TRANK1: variants seen among roughly 807,000 people sequenced by gnomAD.
TRANK1 encodes tetratricopeptide repeat and ankyrin repeat containing 1.
In TRANK1, 198 loss-of-function variants were observed where a neutral mutation model predicts 266.0. The observed-to-expected ratio is 0.74, with a 90% CI of 0.66 to 0.84. TRANK1 has a LOEUF of 0.84. TRANK1 is among the 40% of genes least tolerant of loss of function. The pLI, the probability that TRANK1 is intolerant of heterozygous loss-of-function variation, is 0.00. For missense variants in TRANK1, 3,326 were observed against 3,634.6 expected, an observed-to-expected ratio of 0.92 and a Z score of 2.18; for synonymous variants, 1,396 against 1,384.1, an observed-to-expected ratio of 1.01 and a Z score of -0.19.
At chr3:36,880,825 G>A (rs2079520235) in intron 8 of TRANK1, 1 of 151,104 alleles carries the variant, frequency 6.6e-6, no homozygotes, top group Non-Finnish European at 1.5e-5. Context: ...GTGCCATGTT[G>A]GTGTGCTGCA....
At position 36,856,861 on chromosome 3, in the gene TRANK1, G is replaced by T. The variant is rs2079062678; in HGVS notation, c.2861C>A (p.Ser954Tyr). Reference sequence around the variant, plus strand: ...GTAGGCATTGCAGATGGCCTTGATGGAATCAGCCAGTTTGCAGTGATCTAA... The same window carrying T: ...GTAGGCATTGCAGATGGCCTTGATGTAATCAGCCAGTTTGCAGTGATCTAA... ...IVLDHCKLAD[S>Y]IKAICNAYNR... The change falls in exon 13 of 24, where the codon TCC becomes TAC. Residue 954 changes from serine (S) to tyrosine (Y), a missense_variant. Ser to Tyr is a moderately radical substitution (Grantham distance 144). Coordinates refer to ENST00000645898, the MANE Select transcript of TRANK1 (RefSeq NM_001329998.2). 1 of 1,614,014 alleles carries T rather than the reference G, an allele frequency of 6.2e-7. No individual in the cohort carries two copies.
At chr3:36,890,053 A>C in intron 7 of TRANK1, 93 bp from the exon 8 acceptor site, 1 of 1,472,702 alleles carries the variant, frequency 6.8e-7, no homozygotes, top group South Asian at 1.3e-5. Context: ...AAAAGAAAGA[A>C]AGAAAATCAG....
chr3:36,929,661 C>T (rs2080334707), intron 1 of TRANK1, among the ~76,000 whole-genome samples: 2 of 152,096 alleles, frequency 1.3e-5, no homozygotes, highest in South Asian at 2.1e-4. Flanking sequence ...ATGAATTCCC[C>T]CAAAGACATC....
chr3:36,894,387 A>C (rs1447228464), intron 5 of TRANK1, among the ~76,000 whole-genome samples: 1 of 152,212 alleles, frequency 6.6e-6, no homozygotes, highest in Non-Finnish European at 1.5e-5. Flanking sequence ...GAATTTCAAA[A>C]CTTTTTAAAA....
intron 22 of TRANK1, among the ~76,000 whole-genome samples, chr3:36,830,220 C>T (rs889870949): frequency 1.3e-5 from 2 of 151,728 alleles, no homozygotes; most frequent in Non-Finnish European, 2.9e-5. Context: ...GAGGCTGAGG[C>T]AGGTGAATCA....
rs200622405 is a variant in TRANK1 at position 36,847,279 on chromosome 3, C to G, written c.4955G>C (p.Arg1652Pro). ...PTSTDSREEN[R>P]PLVEVPLDKP... The stretch of plus-strand genomic sequence containing the variant: ...GTCCAGGGGTACTTCAACCAATGGC[C>G]GGTTTTCCTCTCTGGAGTCAGTTGA... Residue 1652 changes from arginine (R) to proline (P), a missense_variant, in exon 16 of 24, where the codon CGG becomes CCG. Arg to Pro is a moderately radical substitution (Grantham distance 103, BLOSUM62 -2). Coordinates refer to ENST00000645898, the MANE Select transcript of TRANK1 (RefSeq NM_001329998.2). 1.5e-5 allele frequency: 24 copies of G among 1,613,450 alleles called. No homozygotes were observed. The highest frequency in any genetic ancestry group is 6.7e-5 in the East Asian group (3 of 44,884).
rs191768065 is a variant in TRANK1 at position 36,908,662 on chromosome 3, C to T, written c.24-208G>A. 4 of 1,219,036 alleles carry T rather than the reference C, an allele frequency of 3.3e-6. No homozygotes were observed. The East Asian group carries it at 1.3e-4, about 39-fold the overall frequency. The allele number at this position is 1,219,036 out of a possible 1,614,324, so 75.5% of individuals were successfully genotyped here. A position where few individuals can be genotyped will look rare whatever the true frequency, so the allele number is the denominator to read the frequency against. ...TTCTTTGTCAGTTCTTTTCTGTTCT[C>T]AAGGGTGGCCAGACCAATTCCATTT... On this transcript the variant is annotated intron_variant, in intron 1 of 23. Coordinates refer to ENST00000645898, the MANE Select transcript of TRANK1 (RefSeq NM_001329998.2).
At chr3:36,894,853 G>A (rs2079764974) in intron 5 of TRANK1, among the ~76,000 whole-genome samples, 1 of 152,094 alleles carries the variant, frequency 6.6e-6, no homozygotes, top group Non-Finnish European at 1.5e-5. Flanking sequence ...TTCGTAGCTT[G>A]GCCAGCCCAT....
intron 9 of TRANK1, among the ~76,000 whole-genome samples, chr3:36,866,442 A>C (rs946987936): frequency 6.6e-6 from 1 of 152,192 alleles, no homozygotes; most frequent in African/African-American, 2.4e-5. Flanking sequence ...ATTAAGGAGG[A>C]AGACCAGTAG....
chr3:36,926,844 C>T (rs2125657080), intron 1 of TRANK1, among the ~76,000 whole-genome samples: 1 of 152,278 alleles, frequency 6.6e-6, no homozygotes, highest in Middle Eastern at 3.4e-3. Context: ...CTTAACCTCA[C>T]TAATATGTCT....
chr3:36,912,412 A>G (rs572038359), intron 1 of TRANK1, among the ~76,000 whole-genome samples: 3 of 152,312 alleles, frequency 2.0e-5, no homozygotes, highest in South Asian at 4.1e-4. Context: ...TCACTAGGGT[A>G]TCTTATATTT....
At chr3:36,924,283 CT>C (rs1170010238) in intron 1 of TRANK1, among the ~76,000 whole-genome samples, 11 of 152,184 alleles carry the variant, frequency 7.2e-5, no homozygotes, top group Non-Finnish European at 1.6e-4. Context: ...TGGAACACCC[CT>C]TTGGAAAGTG....
At chr3:36,858,935 A>T (rs1559434616) in intron 11 of TRANK1, 41 bp from the exon 12 acceptor site, 1 of 1,487,470 alleles carries the variant, frequency 6.7e-7, no homozygotes, top group Admixed American at 2.2e-5. Context: ...GAGCAGGCAC[A>T]GCCTGGCTCG....
chr3:36,926,109 CAAT>C (rs1263812218), intron 1 of TRANK1, among the ~76,000 whole-genome samples: 6 of 152,174 alleles, frequency 3.9e-5, no homozygotes, highest in Non-Finnish European at 1.5e-5. Context: ...ACCACAACAA[CAAT>C]GTGCTGAGGT....
Position 36,944,917 on chromosome 3 carries a change from G to C in TRANK1, c.-108C>G. 7 of 1,196,316 alleles carry C rather than the reference G, an allele frequency of 5.9e-6. No individual in the cohort carries two copies. The highest frequency in any genetic ancestry group is 3.2e-5 in the African/African-American group (2 of 62,184). 74.1% of individuals were successfully genotyped at this position (1,196,316 alleles called of 1,614,324 possible). A position where few individuals can be genotyped will look rare whatever the true frequency, so the allele number is the denominator to read the frequency against. ...GAAGCCCGAAAGCTACCGGAGCCCG[G>C]GGCAGGGGCGGCGCGATGCAGAGGC... On this transcript the variant is annotated 5_prime_UTR_variant, in exon 1 of 24. Coordinates refer to ENST00000645898, the MANE Select transcript of TRANK1 (RefSeq NM_001329998.2).
chr3:36,849,990 C>T, intron 15 of TRANK1: 6 of 984,748 alleles, frequency 6.1e-6, no homozygotes, highest in Non-Finnish European at 7.2e-6. Flanking sequence ...ATACCTGAGC[C>T]TTGGCCACTT....
At chr3:36,853,945 T>C (rs567304405) in intron 13 of TRANK1, among the ~76,000 whole-genome samples, 20 of 152,332 alleles carry the variant, frequency 1.3e-4, no homozygotes, top group Admixed American at 1.2e-3. Flanking sequence ...TAGATGATGG[T>C]GATAGTTACA....
chr3:36,858,830 G>A lies in TRANK1; in HGVS notation c.1560C>T (p.Asp520=). The A allele has an allele frequency of 6.5e-7, 1 of 1,537,280 alleles. No individual in the cohort carries two copies. Among genetic ancestry groups the A allele is most frequent in the Non-Finnish European group, 8.7e-7 (1 of 1,146,894 alleles). Residue 520 remains aspartate (D), a synonymous_variant, in exon 12 of 24, where the codon GAC becomes GAT. Transcript: ENST00000645898. Reference sequence around the variant, plus strand: ...TCAAGAGAAGGAAAGCCAACTCGAAGTCCTCATGTTTCAGGCACGTGACAA... The same window carrying A: ...TCAAGAGAAGGAAAGCCAACTCGAAATCCTCATGTTTCAGGCACGTGACAA... ...RPVVTCLKHE[D]FELAFLLLTK...
At chr3:36,845,753 T>C (rs904992523) in intron 17 of TRANK1, among the ~76,000 whole-genome samples, 1 of 152,216 alleles carries the variant, frequency 6.6e-6, no homozygotes, top group Non-Finnish European at 1.5e-5. Context: ...GAAATGAATT[T>C]AGCCTTTCCC....
Sources: gnomAD v4.1 joint callset for allele counts (sites outside exome capture counted in the v4.1 genomes callset) on GRCh38, gnomAD v4.1.1 for gene constraint, MANE v1.5 for transcripts, NCBI Gene and HGNC (gene_info 2026-07-23, HGNC 2026-07-21) for gene names.